Variants in UNC13C observed in about 807,000 individuals in gnomAD.
The protein encoded by UNC13C is protein unc-13 homolog C.
In UNC13C, 174 loss-of-function variants were observed where a neutral mutation model predicts 245.4. The ratio of observed to expected loss-of-function variants is 0.71; its 90% confidence interval spans 0.63 to 0.80. The LOEUF is 0.80. Among genes scored for constraint, UNC13C ranks in the 30% least tolerant of loss-of-function variants. The pLI is 0.00. For synonymous variants in UNC13C, 992 were observed against 895.1 expected, an observed-to-expected ratio of 1.11 and a Z score of -1.93; for missense variants, 2,829 against 2,602.9, an observed-to-expected ratio of 1.09 and a Z score of -1.89.
chr15:54,137,199 C>G (rs991632885), intron 2 of UNC13C, among the ~76,000 whole-genome samples: 3 of 152,098 alleles, frequency 2.0e-5, no homozygotes, highest in African/African-American at 7.2e-5. Flanking sequence ...GGGATAAATT[C>G]CATTTGATCA....
intron 4 of UNC13C, among the ~76,000 whole-genome samples, chr15:54,216,868 T>C (rs1170237697): frequency 6.6e-6 from 1 of 151,990 alleles, no homozygotes; most frequent in African/African-American, 2.4e-5. Flanking sequence ...CATCATCTTA[T>C]GTTCAACCAA....
chr15:54,331,176 A>G (rs1458549943), intron 14 of UNC13C, among the ~76,000 whole-genome samples: 1 of 152,036 alleles, frequency 6.6e-6, no homozygotes, highest in Non-Finnish European at 1.5e-5. Flanking sequence ...CAGAATATTA[A>G]TGTTGGCAGG....
chr15:54,533,943 C>T (rs1895874773), intron 26 of UNC13C, among the ~76,000 whole-genome samples: 1 of 152,106 alleles, frequency 6.6e-6, no homozygotes, highest in African/African-American at 2.4e-5. Flanking sequence ...ACCAAGGGAC[C>T]AGTGTCATAT....
chr15:54,533,455 A>G (rs1895850443), intron 26 of UNC13C, among the ~76,000 whole-genome samples: 1 of 152,216 alleles, frequency 6.6e-6, no homozygotes, highest in Non-Finnish European at 1.5e-5. Context: ...AACCTGATGA[A>G]AAAGAGAATA....
intron 4 of UNC13C, among the ~76,000 whole-genome samples, chr15:54,157,619 A>G (rs2032805352): frequency 6.6e-6 from 1 of 152,148 alleles, no homozygotes; most frequent in Non-Finnish European, 1.5e-5. Flanking sequence ...GAGACACTCT[A>G]GCTACCCCAA....
chr15:54,157,060 G>A (rs1200388396), intron 4 of UNC13C, among the ~76,000 whole-genome samples: 1 of 152,076 alleles, frequency 6.6e-6, no homozygotes, highest in East Asian at 1.9e-4. Flanking sequence ...TGGGATCAGG[G>A]CAAAACTGCT....
At chr15:53,837,879 G>C in the UNC13C span, among the ~76,000 whole-genome samples, 2 of 152,176 alleles carry the variant, frequency 1.3e-5, no homozygotes, top group African/African-American at 4.8e-5. Context: ...GTGTTGATCA[G>C]TTTCTAAGCA....
At chr15:54,125,044 A>G (rs978984493) in intron 2 of UNC13C, among the ~76,000 whole-genome samples, 26 of 152,218 alleles carry the variant, frequency 1.7e-4, no homozygotes, top group Non-Finnish European at 3.4e-4. Flanking sequence ...CTATAAATAT[A>G]AAGTAATCTT....
chr15:54,372,371 G>T (rs2039505760), intron 17 of UNC13C, among the ~76,000 whole-genome samples: 1 of 151,756 alleles, frequency 6.6e-6, no homozygotes, highest in Non-Finnish European at 1.5e-5. Context: ...ATATTTTATT[G>T]TGAAAAATGT....
At chr15:54,458,612 A>C (rs1203043302) in intron 19 of UNC13C, among the ~76,000 whole-genome samples, 1 of 145,654 alleles carries the variant, frequency 6.9e-6, no homozygotes, top group Non-Finnish European at 1.5e-5. Flanking sequence ...GATATTTCCT[A>C]TTAGACTAAC....
intron 4 of UNC13C, among the ~76,000 whole-genome samples, chr15:54,187,203 A>G (rs74016101): frequency 6.6e-6 from 1 of 152,010 alleles, no homozygotes; most frequent in Non-Finnish European, 1.5e-5. Flanking sequence ...ATAAAATATA[A>G]TATCTCCTGA....
intron 20 of UNC13C, among the ~76,000 whole-genome samples, chr15:54,498,261 A>G (rs1567329063): frequency 1.3e-5 from 2 of 152,102 alleles, no homozygotes; most frequent in African/African-American, 2.4e-5. Context: ...CACATGGTAC[A>G]TTTACCAAAA....
chr15:54,588,460 C>T (rs1393947371), intron 30 of UNC13C, among the ~76,000 whole-genome samples: 2 of 152,044 alleles, frequency 1.3e-5, no homozygotes, highest in African/African-American at 2.4e-5. Flanking sequence ...ATATGTAAAC[C>T]TCCTAGAACA....
chr15:54,073,585 GA>G (rs1029301306), intron 2 of UNC13C, among the ~76,000 whole-genome samples: 1 of 152,238 alleles, frequency 6.6e-6, no homozygotes, highest in Non-Finnish European at 1.5e-5. Context: ...TAACTGGCAT[GA>G]GATAGCATCT....
the UNC13C span, among the ~76,000 whole-genome samples, chr15:53,924,346 G>A: frequency 6.6e-6 from 1 of 152,174 alleles, no homozygotes; most frequent in Admixed American, 6.5e-5. Flanking sequence ...TAATCTTTTT[G>A]AGATTCAGCT....
chr15:53,872,868 A>G, the UNC13C span, among the ~76,000 whole-genome samples: 1 of 152,168 alleles, frequency 6.6e-6, no homozygotes, highest in Admixed American at 6.5e-5. Flanking sequence ...ATTAAACCAT[A>G]TTATTTTCTC....
intron 30 of UNC13C, among the ~76,000 whole-genome samples, chr15:54,592,720 G>C (rs541084584): frequency 6.6e-6 from 1 of 152,094 alleles, no homozygotes; most frequent in East Asian, 1.9e-4. Context: ...GCAGCAGATA[G>C]TTGGTTTGTG....
intron 4 of UNC13C, among the ~76,000 whole-genome samples, chr15:54,217,737 T>C (rs2035084988): frequency 6.6e-6 from 1 of 151,888 alleles, no homozygotes; most frequent in South Asian, 2.1e-4. Flanking sequence ...GATAGATTCA[T>C]AGAGGATAAA....
At chr15:54,495,797 G>A (rs1474826756) in intron 20 of UNC13C, among the ~76,000 whole-genome samples, 1 of 151,998 alleles carries the variant, frequency 6.6e-6, no homozygotes, top group African/African-American at 2.4e-5. Flanking sequence ...GGGCAGAGAA[G>A]AGATTTAGAA....
Sources: allele counts gnomAD v4.1 joint callset (sites outside exome capture counted in the v4.1 genomes callset), GRCh38; gene constraint gnomAD v4.1.1; transcripts MANE v1.5; gene names NCBI Gene and HGNC (gene_info 2026-07-23, HGNC 2026-07-21).